The following GPC6 variants were observed in gnomAD, a reference collection of about 807,000 sequenced individuals.
GPC6 encodes the protein glypican 6, also known as glypican-6.
Under a neutral mutation model 55.2 loss-of-function variants are expected in GPC6, and 14 were observed. The observed-to-expected ratio is 0.25, with a 90% confidence interval of 0.17 to 0.40. The LOEUF (loss-of-function observed/expected upper bound fraction) is 0.40. Among genes scored for constraint, GPC6 ranks in the 10% least tolerant of loss-of-function variants. The pLI is 1.00. For missense variants in GPC6, 641 were observed against 708.5 expected, an observed-to-expected ratio of 0.90 and a Z score of 1.08; for synonymous variants, 278 against 259.6, an observed-to-expected ratio of 1.07 and a Z score of -0.68.
chr13:93,549,343 G>T (rs1874998620), intron 2 of GPC6, among the ~76,000 whole-genome samples: 1 of 152,096 alleles, frequency 6.6e-6, no homozygotes. Context: ...TGTCAAATTG[G>T]CATTTGTGTC....
chr13:94,156,419 T>C (rs1190265770), intron 4 of GPC6, among the ~76,000 whole-genome samples: 3 of 152,132 alleles, frequency 2.0e-5, no homozygotes, highest in Non-Finnish European at 4.4e-5. Flanking sequence ...ATAAATATAA[T>C]ATAGATATAG....
intron 3 of GPC6, among the ~76,000 whole-genome samples, chr13:93,984,352 T>A (rs1880933281): frequency 6.6e-6 from 1 of 152,166 alleles, no homozygotes. Flanking sequence ...TGTTTTAGTT[T>A]TACTGTCACT....
At chr13:94,353,299 C>G (rs1878640938) in intron 6 of GPC6, among the ~76,000 whole-genome samples, 1 of 151,932 alleles carries the variant, frequency 6.6e-6, no homozygotes, top group South Asian at 2.1e-4. Context: ...GCCTGGAAAC[C>G]CATTTCATCA....
intron 2 of GPC6, among the ~76,000 whole-genome samples, chr13:93,601,953 A>G (rs1310291280): frequency 6.6e-6 from 1 of 152,172 alleles, no homozygotes; most frequent in African/African-American, 2.4e-5. Context: ...TCTGGAGGAA[A>G]TTTTTAATAT....
intron 4 of GPC6, among the ~76,000 whole-genome samples, chr13:94,155,478 C>G (rs1887900147): frequency 6.6e-6 from 1 of 152,190 alleles, no homozygotes; most frequent in Non-Finnish European, 1.5e-5. Flanking sequence ...CTGCCTCCAG[C>G]CTTGCCTTCT....
rs12854549 is a variant in GPC6 at position 93,426,393 on chromosome 13, C to G, written c.161-118870C>G. Among the ~76,000 whole-genome samples the G allele has an allele frequency of 1.5e-3, 196 of 132,386 alleles. 1 individual carries two copies. Among genetic ancestry groups the G allele is most frequent in the South Asian group, 2.2e-3 (8 of 3,634 alleles). The allele number at this position is 132,386 out of a possible 152,430, so 86.9% of individuals were successfully genotyped here. ...TAAAGCTATCCCTTCCCCCTCCCCC[C>G]ACCCCACAACAGTCCCCAGAGTGTG... On this transcript the variant is annotated intron_variant, in intron 1 of 8. Coordinates refer to ENST00000377047, the MANE Select transcript of GPC6 (RefSeq NM_005708.5).
intron 1 of GPC6, among the ~76,000 whole-genome samples, chr13:93,518,312 T>C (rs1430045082): frequency 6.6e-6 from 1 of 151,866 alleles, no homozygotes; most frequent in African/African-American, 2.4e-5. Flanking sequence ...CATTCAAATG[T>C]AAACCTATAA....
chr13:94,324,358 G>T (rs1178412641), intron 6 of GPC6, among the ~76,000 whole-genome samples: 3 of 151,260 alleles, frequency 2.0e-5, no homozygotes, highest in Non-Finnish European at 4.4e-5. Flanking sequence ...AGAAATACTG[G>T]TAGAGGACAT....
intron 7 of GPC6, 138 bp downstream of exon 7, chr13:94,382,688 T>C: frequency 1.8e-6 from 2 of 1,137,332 alleles, no homozygotes. Context: ...TAGCAACAGC[T>C]GTTGAGAGTG....
At position 93,518,366 on chromosome 13, in the gene GPC6, C is replaced by T. The variant is rs563862151; in HGVS notation, c.161-26897C>T. On this transcript the variant is annotated intron_variant, in intron 1 of 8. Transcript: ENST00000377047. Reference sequence around the variant, plus strand: ...GCACAGATGGGCCTTAATCTAGTTCCGTCAACTCTTCTTGCTTCTCCACTT... The same window carrying T: ...GCACAGATGGGCCTTAATCTAGTTCTGTCAACTCTTCTTGCTTCTCCACTT... Among the ~76,000 whole-genome samples the T allele has an allele frequency of 9.2e-5, 14 of 151,640 alleles. No homozygotes were observed. In the East Asian group the frequency reaches 9.7e-4, roughly 11 times the overall value.
At chr13:93,249,881 G>T (rs558814565) in intron 1 of GPC6, among the ~76,000 whole-genome samples, 55 of 152,126 alleles carry the variant, frequency 3.6e-4, no homozygotes, top group Admixed American at 1.4e-3. Context: ...CCACCTCTTG[G>T]TTTCTCCTTC....
At chr13:93,633,159 A>G (rs1307747824) in intron 2 of GPC6, among the ~76,000 whole-genome samples, 1 of 152,208 alleles carries the variant, frequency 6.6e-6, no homozygotes, top group Non-Finnish European at 1.5e-5. Context: ...ATTACTCAGT[A>G]AATTTACATG....
intron 3 of GPC6, among the ~76,000 whole-genome samples, chr13:93,989,087 A>G (rs912759478): frequency 2.0e-5 from 3 of 152,174 alleles, no homozygotes; most frequent in Non-Finnish European, 4.4e-5. Flanking sequence ...TGGAAAAAAA[A>G]GTGTAATCCA....
At chr13:93,228,780 T>C (rs1180598413) in intron 1 of GPC6, among the ~76,000 whole-genome samples, 2 of 152,252 alleles carry the variant, frequency 1.3e-5, no homozygotes, top group Admixed American at 1.3e-4. Context: ...CACCAGCCTC[T>C]GTCTGCTTTT....
intron 1 of GPC6, among the ~76,000 whole-genome samples, chr13:93,323,304 T>G (rs1879522148): frequency 6.6e-6 from 1 of 152,220 alleles, no homozygotes; most frequent in Admixed American, 6.5e-5. Flanking sequence ...GACAAACTTA[T>G]TAAGTAATAG....
intron 4 of GPC6, among the ~76,000 whole-genome samples, chr13:94,041,008 G>A (rs906546352): frequency 5.3e-5 from 8 of 151,748 alleles, no homozygotes; most frequent in African/African-American, 1.9e-4. Context: ...ATTCTGTTGT[G>A]CCATGCATTG....
intron 4 of GPC6, among the ~76,000 whole-genome samples, chr13:94,235,813 AACCAGTC>A (rs1890861627): frequency 6.6e-6 from 1 of 152,180 alleles, no homozygotes; most frequent in African/African-American, 2.4e-5. Context: ...AAACATGTAG[AACCAGTC>A]AATTAGTTGC....
intron 1 of GPC6, among the ~76,000 whole-genome samples, chr13:93,386,455 A>G (rs559943291): frequency 2.0e-4 from 31 of 151,916 alleles, no homozygotes; most frequent in African/African-American, 7.5e-4. Context: ...GTTTCATGTT[A>G]GTGTCTACAC....
chr13:94,240,612 G>C (rs1891028506), intron 4 of GPC6, among the ~76,000 whole-genome samples: 1 of 146,142 alleles, frequency 6.8e-6, no homozygotes, highest in African/African-American at 2.6e-5. Context: ...TCCAGTGTTG[G>C]GAGACAGAAA....
Sources: allele counts gnomAD v4.1 joint callset (sites outside exome capture counted in the v4.1 genomes callset), GRCh38; gene constraint gnomAD v4.1.1; transcripts MANE v1.5; gene names NCBI Gene and HGNC (gene_info 2026-07-23, HGNC 2026-07-21).